EMP2: variants seen among roughly 807,000 people sequenced by gnomAD.
EMP2 encodes epithelial membrane protein 2.
A neutral mutation model predicts 13.7 loss-of-function variants in EMP2; 19 were observed. That is an observed-to-expected ratio of 1.38 (90% confidence interval 0.97 to 2.03). EMP2 has a LOEUF of 2.03. Ranked by LOEUF, EMP2 falls within the 30% of genes most tolerant of loss-of-function variation. The probability of loss-of-function intolerance (pLI) is 0.00; values close to 1 mark genes in which losing one functional copy is unlikely to be tolerated. For missense variants in EMP2, 253 were observed against 220.7 expected (o/e 1.15, Z -0.93); for synonymous variants, 97 against 84.7 (o/e 1.15, Z -0.80).
chr16:10,539,378 G>A (rs771660458), intron 3 of EMP2, among the ~76,000 whole-genome samples: 19 of 152,152 alleles, frequency 1.2e-4, no homozygotes, highest in Non-Finnish European at 1.9e-4. Context: ...GATTACGGTT[G>A]CTTGGAGAGC....
At chr16:10,565,689 C>T (rs530271412) in intron 1 of EMP2, among the ~76,000 whole-genome samples, 1 of 152,128 alleles carries the variant, frequency 6.6e-6, no homozygotes, top group Non-Finnish European at 1.5e-5. Context: ...TAACCAGGGA[C>T]TTGAGGTGGG....
At chr16:10,559,926 C>T (rs958652950) in intron 1 of EMP2, among the ~76,000 whole-genome samples, 3 of 152,194 alleles carry the variant, frequency 2.0e-5, no homozygotes, top group Admixed American at 1.3e-4. Context: ...CTGCCTGCCT[C>T]AGCCTCCCAA....
intron 1 of EMP2, among the ~76,000 whole-genome samples, chr16:10,556,675 C>T (rs2050829875): frequency 6.6e-6 from 1 of 152,224 alleles, no homozygotes; most frequent in African/African-American, 2.4e-5. Context: ...TTACACAGCA[C>T]ATGCTGCACA....
At chr16:10,578,739 A>G (rs1436017557) in intron 1 of EMP2, among the ~76,000 whole-genome samples, 1 of 152,234 alleles carries the variant, frequency 6.6e-6, no homozygotes, top group Non-Finnish European at 1.5e-5. Context: ...CTATGTGGCC[A>G]GCCCTCTGCC....
rs370673124 is a variant in EMP2, at chr16:10,533,050, C to T, written c.359G>A (p.Arg120His). The T allele has an allele frequency of 7.1e-5, 115 of 1,608,686 alleles. No individual in the cohort carries two copies. The highest frequency in any genetic ancestry group is 9.4e-5 in the African/African-American group (7 of 74,688). The change falls in exon 5 of 5, where the codon CGT becomes CAT. Residue 120 changes from arginine (R) to histidine (H), a missense_variant. Coordinates refer to ENST00000359543, the MANE Select transcript of EMP2 (RefSeq NM_001424.6). ...CGCGTTTTTGTCGTGAATGTCTTCACGCCTGTCTGTATAAATGGAGGCCGC... is the reference window on the plus strand; with the variant it reads ...CGCGTTTTTGTCGTGAATGTCTTCATGCCTGTCTGTATAAATGGAGGCCGC... ...MIAASIYTDR[R>H]EDIHDKNAKF...
In EMP2 at chr16:10,547,576, G is replaced by A; in HGVS notation, c.42C>T (p.Thr14=). 1 of 1,614,176 alleles carries A rather than the reference G, an allele frequency of 6.2e-7. No individual in the cohort carries two copies. Among genetic ancestry groups the A allele is most frequent in the Non-Finnish European group, 8.5e-7 (1 of 1,180,044 alleles). The stretch of plus-strand genomic sequence containing the variant: ...TGGCAATGAACAGCAAGGCTGCAGA[G>A]GTGATGTGGAAGGCGATGATGAAAG... ...LLAFIIAFHI[T]SAALLFIATV... Residue 14 remains threonine, a synonymous_variant, in exon 2 of 5, where the codon ACC becomes ACT. Transcript: ENST00000359543.
At chr16:10,549,937 G>A (rs1432810281) in intron 1 of EMP2, among the ~76,000 whole-genome samples, 1 of 134,896 alleles carries the variant, frequency 7.4e-6, no homozygotes, top group African/African-American at 3.0e-5. Flanking sequence ...CCAGGCTGGA[G>A]TACAGTGGTG....
intron 1 of EMP2, among the ~76,000 whole-genome samples, chr16:10,579,209 G>A (rs931963592): frequency 6.6e-6 from 1 of 152,076 alleles, no homozygotes; most frequent in Non-Finnish European, 1.5e-5. Context: ...GTGACTCCTG[G>A]GAAACCAGGA....
At chr16:10,544,232 G>A (rs1356509057) in intron 2 of EMP2, 2 of 154,332 alleles carry the variant, frequency 1.3e-5, no homozygotes, top group Non-Finnish European at 2.9e-5. Flanking sequence ...CCAGGCTGGA[G>A]TGCGATGCAT....
At chr16:10,538,897 C>A (rs1294189796) in intron 3 of EMP2, among the ~76,000 whole-genome samples, 1 of 152,080 alleles carries the variant, frequency 6.6e-6, no homozygotes, top group African/African-American at 2.4e-5. Flanking sequence ...CTCACTGCAG[C>A]CTTGAACTCT....
intron 3 of EMP2, 78 bp downstream of exon 3, chr16:10,543,492 G>C (rs535180071): frequency 6.6e-7 from 1 of 1,513,368 alleles, no homozygotes; most frequent in East Asian, 2.3e-5. Flanking sequence ...GTACGGAGTC[G>C]GGGAACCCGA....
At chr16:10,557,808 T>G (rs945565821) in intron 1 of EMP2, among the ~76,000 whole-genome samples, 1 of 152,118 alleles carries the variant, frequency 6.6e-6, no homozygotes, top group Non-Finnish European at 1.5e-5. Context: ...ACTTCAGACA[T>G]AAGTTTCTTT....
intron 1 of EMP2, among the ~76,000 whole-genome samples, chr16:10,561,615 A>AG (rs1229653030): frequency 6.6e-6 from 1 of 152,226 alleles, no homozygotes; most frequent in Non-Finnish European, 1.5e-5. Context: ...GTTTTAGGGA[A>AG]GTGAACTAAA....
chr16:10,553,300 T>G (rs1326609418), intron 1 of EMP2, among the ~76,000 whole-genome samples: 1 of 152,178 alleles, frequency 6.6e-6, no homozygotes, highest in African/African-American at 2.4e-5. Flanking sequence ...CCAGAGATAT[T>G]GATTGCGAGA....
intron 3 of EMP2, among the ~76,000 whole-genome samples, chr16:10,539,514 C>T (rs1567201464): frequency 6.6e-6 from 1 of 152,202 alleles, no homozygotes; most frequent in East Asian, 1.9e-4. Flanking sequence ...GTTATAGTGA[C>T]AGAAGTCAGA....
intron 1 of EMP2, among the ~76,000 whole-genome samples, chr16:10,570,219 G>C (rs566699802): frequency 1.8e-4 from 27 of 148,380 alleles, no homozygotes; most frequent in African/African-American, 6.7e-4. Context: ...CTGAAAAAAT[G>C]GTGGCTTTTT....
chr16:10,563,758 A>G (rs546545679), intron 1 of EMP2, among the ~76,000 whole-genome samples: 1 of 152,348 alleles, frequency 6.6e-6, no homozygotes, highest in South Asian at 2.1e-4. Flanking sequence ...GCAACCACTC[A>G]GTGTCCCTAT....
intron 1 of EMP2, among the ~76,000 whole-genome samples, chr16:10,563,901 C>G (rs914719056): frequency 6.6e-6 from 1 of 152,214 alleles, no homozygotes; most frequent in Non-Finnish European, 1.5e-5. Context: ...ACAGGGCAGG[C>G]GAGCCCCCAA....
intron 1 of EMP2, among the ~76,000 whole-genome samples, chr16:10,573,616 G>A (rs2050962632): frequency 6.6e-6 from 1 of 152,162 alleles, no homozygotes; most frequent in African/African-American, 2.4e-5. Flanking sequence ...GGGAAAATGA[G>A]GGCATTATTA....
Sources: allele counts gnomAD v4.1 joint callset (sites outside exome capture counted in the v4.1 genomes callset), GRCh38; gene constraint gnomAD v4.1.1; transcripts MANE v1.5; gene names NCBI Gene and HGNC (gene_info 2026-07-23, HGNC 2026-07-21).